ACSS1: variants seen among roughly 807,000 people sequenced by gnomAD.
ACSS1 encodes the protein acyl-CoA synthetase short chain family member 1.
A neutral mutation model predicts 75.3 loss-of-function variants in ACSS1; 42 were observed. The ratio of observed to expected loss-of-function variants is 0.56; its 90% CI spans 0.44 to 0.72. The LOEUF is 0.72. ACSS1 is among the 30% of genes least tolerant of loss of function. ACSS1 has a pLI of 0.00. For missense variants in ACSS1, 782 were observed against 935.7 expected, an observed-to-expected ratio of 0.84 and a Z score of 2.14; for synonymous variants, 380 against 376.8, an observed-to-expected ratio of 1.01 and a Z score of -0.10.
intron 2 of ACSS1, among the ~76,000 whole-genome samples, chr20:25,031,997 C>T (rs1040732010): frequency 4.6e-5 from 7 of 152,150 alleles, no homozygotes; most frequent in African/African-American, 1.2e-4. Flanking sequence ...GAGTGAAGAC[C>T]GCAAGCAGGG....
rs1402974968 is a variant in ACSS1, at chr20:25,048,087, G to A, written c.429C>T (p.Tyr143=). The A allele has an allele frequency of 1.2e-6, 2 of 1,613,664 alleles. No individual in the cohort carries two copies. The highest frequency in any genetic ancestry group is 1.7e-6 in the Non-Finnish European group (2 of 1,179,920). Reference sequence around the variant, plus strand: ...TTGAACATTCGAGGGCACAGTACCTGTAGGTGATCCTCACTTCCGTTCCAG... The same window carrying A: ...TTGAACATTCGAGGGCACAGTACCTATAGGTGATCCTCACTTCCGTTCCAG... The part of the protein sequence containing the change: ...DEPGTEVRIT[Y]RELLETTCRL... The change falls in exon 2 of 14, where the codon TAC becomes TAT. Residue 143 remains tyrosine, a splice_region_variant and synonymous_variant. Coordinates refer to ENST00000323482, the MANE Select transcript of ACSS1 (RefSeq NM_032501.4).
At chr20:25,057,540 G>C (rs1211309498) in intron 1 of ACSS1, among the ~76,000 whole-genome samples, 1 of 152,172 alleles carries the variant, frequency 6.6e-6, no homozygotes, top group Non-Finnish European at 1.5e-5. Flanking sequence ...CCGGGTCCCC[G>C]CGGGCGCCGG....
chr20:25,042,636 C>G (rs1294177724), intron 2 of ACSS1, among the ~76,000 whole-genome samples: 1 of 152,140 alleles, frequency 6.6e-6, no homozygotes, highest in African/African-American at 2.4e-5. Context: ...AGCAGAAGAG[C>G]AAGGGGCAAG....
intron 5 of ACSS1, 61 bp from the exon 6 acceptor site, chr20:25,021,597 G>C (rs1023059001): frequency 1.9e-6 from 3 of 1,579,872 alleles, no homozygotes; most frequent in African/African-American, 1.4e-5. Flanking sequence ...GTTCACACCA[G>C]GTCACTAGGA....
At chr20:25,041,054 T>C (rs368652216) in intron 2 of ACSS1, among the ~76,000 whole-genome samples, 16 of 152,174 alleles carry the variant, frequency 1.1e-4, no homozygotes, top group South Asian at 6.2e-4. Flanking sequence ...GTCAGGAGAT[T>C]GAGACCATCC....
chr20:25,045,023 T>C (rs915909313), intron 2 of ACSS1, among the ~76,000 whole-genome samples: 1 of 152,174 alleles, frequency 6.6e-6, no homozygotes, highest in Non-Finnish European at 1.5e-5. Context: ...CAGCACGAGG[T>C]CCAACCTCGC....
chr20:25,034,051 C>CA (rs5841047), intron 2 of ACSS1, among the ~76,000 whole-genome samples: 42,273 of 152,042 alleles, frequency 0.28, 6,175 homozygotes, highest in Middle Eastern at 0.37. Context: ...GGATTTGATC[C>CA]GGTAAATCTC....
At chr20:25,051,909 C>G (rs555312896) in intron 1 of ACSS1, among the ~76,000 whole-genome samples, 2 of 152,184 alleles carry the variant, frequency 1.3e-5, no homozygotes, top group African/African-American at 4.8e-5. Context: ...GGACTAGGTG[C>G]CATTGGGTTG....
chr20:25,019,918 C>A, intron 7 of ACSS1, 92 bp downstream of exon 7: 1 of 1,560,178 alleles, frequency 6.4e-7, no homozygotes, highest in South Asian at 1.2e-5. Flanking sequence ...CAAAGCCGGG[C>A]AGCTTCATGA....
chr20:25,008,051 G>T (rs2088341718), intron 13 of ACSS1, 110 bp from the exon 14 acceptor site: 1 of 1,367,958 alleles, frequency 7.3e-7, no homozygotes, highest in Non-Finnish European at 9.8e-7. Context: ...GCCCTCCCGG[G>T]GATCCACAGT....
Position 25,021,454 on chromosome 20 carries a change from T to A in ACSS1, c.1043A>T (p.Tyr348Phe). The A allele has an allele frequency of 1.2e-5, 20 of 1,614,218 alleles. No homozygotes were observed. The highest frequency in any genetic ancestry group is 1.5e-5 in the Non-Finnish European group (18 of 1,180,030). ...GGTGGCACCATTGCAGAGAGGCCCA[T>A]ACACCACGTAGCTGTGTCCTGTAAT... ...GWITGHSYVV[Y>F]GPLCNGATSV... Residue 348 changes from tyrosine (Y) to phenylalanine (F), a missense_variant, in exon 6 of 14, where the codon TAT (tyrosine) becomes TTT (phenylalanine). This residue lies in a region of ACSS1 where 405 missense variants were observed against 552.6 expected (regional missense o/e 0.73). Transcript: ENST00000323482.
At chr20:25,032,613 G>A in intron 2 of ACSS1, 1 of 1,232,008 alleles carries the variant, frequency 8.1e-7, no homozygotes, top group African/African-American at 1.5e-5. Flanking sequence ...CCTCTGCAGG[G>A]GCCCAGAAAG....
Position 25,057,971 on chromosome 20 carries a change from G to A in ACSS1, c.132C>T (p.Ser44=). 2.5e-6 allele frequency: 4 copies of A among 1,574,940 alleles called. No homozygotes were observed. Among genetic ancestry groups the A allele is most frequent in the Non-Finnish European group, 2.6e-6 (3 of 1,162,128 alleles). The change falls in exon 1 of 14, where the codon AGC becomes AGT. Residue 44 remains serine, a synonymous_variant. Transcript: ENST00000323482. ...PRRAASGPSG[S]APAVAAAAAQ... ...CTGCTGCTGCTGCAACTGCGGGAGC[G>A]CTGCCCGAGGGTCCCGAGGCCGCCC...
rs1266291396 is a variant in ACSS1, at chr20:25,023,101, G to A, written c.808-9C>T. 6.2e-7 allele frequency: 1 copy of A among 1,608,906 alleles called. No homozygotes were observed. The highest frequency in any genetic ancestry group is 8.5e-7 in the Non-Finnish European group (1 of 1,177,344). ...TCCTCCTTGGCCATTTCCTGGCAGG[G>A]AGAAGAAACAAACAGCCCACCGAGG... is the stretch of plus-strand genomic sequence containing the variant. On this transcript the variant is annotated splice_polypyrimidine_tract_variant and intron_variant, in intron 4 of 13. Coordinates refer to ENST00000323482, the MANE Select transcript of ACSS1 (RefSeq NM_032501.4).
At chr20:25,041,535 A>C (rs1290637699) in intron 2 of ACSS1, among the ~76,000 whole-genome samples, 1 of 152,200 alleles carries the variant, frequency 6.6e-6, no homozygotes, top group Admixed American at 6.5e-5. Context: ...CCCTGTTCAA[A>C]GGCACTACCC....
intron 1 of ACSS1, among the ~76,000 whole-genome samples, chr20:25,053,190 A>G (rs1158111533): frequency 6.6e-6 from 1 of 150,768 alleles, no homozygotes; most frequent in Non-Finnish European, 1.5e-5. Flanking sequence ...CAGCCTTCCA[A>G]GTAACTGGGA....
chr20:25,023,206 C>T, intron 4 of ACSS1, 114 bp from the exon 5 acceptor site: 2 of 1,355,926 alleles, frequency 1.5e-6, no homozygotes, highest in Non-Finnish European at 2.0e-6. Context: ...CCTGCTCTGA[C>T]CTGTCCAAGT....
intron 2 of ACSS1, among the ~76,000 whole-genome samples, chr20:25,047,196 C>T (rs953582105): frequency 2.0e-5 from 3 of 152,212 alleles, no homozygotes; most frequent in Non-Finnish European, 4.4e-5. Context: ...AGGGCAGTGA[C>T]CGCTGCTCTC....
At chr20:25,046,781 T>A in intron 2 of ACSS1, 1 of 779,502 alleles carries the variant, frequency 1.3e-6, no homozygotes, top group Non-Finnish European at 2.4e-6. Flanking sequence ...AGGGGCCACC[T>A]GGGGGGCCGC....
Sources: allele counts gnomAD v4.1 joint callset (sites outside exome capture counted in the v4.1 genomes callset), GRCh38; gene constraint gnomAD v4.1.1; regional missense constraint gnomAD v4.1.1; transcripts MANE v1.5; gene names NCBI Gene and HGNC (gene_info 2026-07-23, HGNC 2026-07-21).